Variants in LOC112694756 observed in about 807,000 individuals in gnomAD.
the LOC112694756 span, chr16:30,067,509 T>C: frequency 6.2e-7 from 1 of 1,613,004 alleles, no homozygotes; most frequent in Non-Finnish European, 8.5e-7. Flanking sequence ...GAACCGGCGC[T>C]TCTACCGCCA....
chr16:30,068,561 C>A, the LOC112694756 span: 1 of 1,471,188 alleles, frequency 6.8e-7, no homozygotes, highest in Non-Finnish European at 9.5e-7. Flanking sequence ...TGAGATTCCA[C>A]CACTGTACTC....
At chr16:30,067,913 C>A in the LOC112694756 span, 1 of 556,244 alleles carries the variant, frequency 1.8e-6, no homozygotes, top group Non-Finnish European at 3.2e-6. Flanking sequence ...TGGCAGAGCC[C>A]CAGTCTGACA....
At chr16:30,059,546 T>C in the LOC112694756 span, among the ~76,000 whole-genome samples, 3 of 151,224 alleles carry the variant, frequency 2.0e-5, no homozygotes, top group African/African-American at 7.3e-5. Context: ...TTTTTTTTTT[T>C]TTCCCAGGCA....
At chr16:30,068,411 C>A in the LOC112694756 span, 1 of 587,656 alleles carries the variant, frequency 1.7e-6, no homozygotes, top group Non-Finnish European at 3.1e-6. Flanking sequence ...TATTTGCCAG[C>A]CCTGAGATGC....
the LOC112694756 span, among the ~76,000 whole-genome samples, chr16:30,060,748 C>G: frequency 6.6e-6 from 1 of 152,068 alleles, no homozygotes; most frequent in Non-Finnish European, 1.5e-5. Flanking sequence ...CTGAGACTCC[C>G]TAGAGACACC....
At chr16:30,060,293 C>T in the LOC112694756 span, among the ~76,000 whole-genome samples, 1 of 152,064 alleles carries the variant, frequency 6.6e-6, no homozygotes, top group Non-Finnish European at 1.5e-5. Flanking sequence ...GTGTTATATT[C>T]CTATAAATGA....
the LOC112694756 span, chr16:30,069,155 C>G: frequency 2.3e-6 from 3 of 1,320,248 alleles, no homozygotes; most frequent in Admixed American, 1.9e-5. Flanking sequence ...GTGGGTGGAT[C>G]TGAGGCGGCT....
the LOC112694756 span, chr16:30,059,155 T>C: frequency 3.3e-5 from 13 of 394,244 alleles, no homozygotes; most frequent in East Asian, 1.8e-4. Context: ...ATGATTCTGA[T>C]GCACACAGGT....
chr16:30,066,643 T>G, the LOC112694756 span, among the ~76,000 whole-genome samples: 1 of 152,272 alleles, frequency 6.6e-6, no homozygotes, highest in East Asian at 1.9e-4. Context: ...AAGCCTGACC[T>G]TGGGATGTCC....
chr16:30,067,126 G>C, the LOC112694756 span: 176 of 1,578,146 alleles, frequency 1.1e-4, no homozygotes, highest in African/African-American at 2.2e-3. Context: ...GTGTGGGGCA[G>C]GGGAGGTAGG....
chr16:30,062,001 G>A, the LOC112694756 span, among the ~76,000 whole-genome samples: 15 of 150,566 alleles, frequency 1.0e-4, no homozygotes, highest in Admixed American at 9.2e-4. Context: ...TCAGGAGTTC[G>A]AGACCAGCCT....
At chr16:30,069,879 C>G in the LOC112694756 span, 6 of 1,614,056 alleles carry the variant, frequency 3.7e-6, no homozygotes, top group Admixed American at 1.7e-5. Flanking sequence ...CGTCCATCAA[C>G]CTCAATGCCA....
the LOC112694756 span, chr16:30,064,708 G>C: frequency 2.7e-6 from 1 of 374,296 alleles, no homozygotes. Context: ...GGCAGGAGCT[G>C]CCTTATAACC....
chr16:30,055,716 CCTGAGAA>C, the LOC112694756 span, among the ~76,000 whole-genome samples: 2 of 152,126 alleles, frequency 1.3e-5, no homozygotes, highest in Admixed American at 6.5e-5. Context: ...TCCCAACAAC[CCTGAGAA>C]CTGAGAACTA....
chr16:30,068,062 A>AT, the LOC112694756 span: 11,089 of 176,248 alleles, frequency 0.063, 605 homozygotes, highest in African/African-American at 0.17. Context: ...TTTTAAGTAA[A>AT]TTTTTTTTTT....
chr16:30,067,224 C>G, the LOC112694756 span: 11 of 1,612,218 alleles, frequency 6.8e-6, no homozygotes, highest in South Asian at 1.1e-5. Flanking sequence ...CCTCTGTTTC[C>G]TGTATCCAGG....
the LOC112694756 span, chr16:30,055,189 G>T: frequency 5.0e-6 from 2 of 399,238 alleles, no homozygotes; most frequent in Non-Finnish European, 8.8e-6. Context: ...GCTGCTGCGC[G>T]GACGGTAGCT....
the LOC112694756 span, chr16:30,067,549 AC>A: frequency 6.2e-7 from 1 of 1,613,600 alleles, no homozygotes; most frequent in South Asian, 1.1e-5. Flanking sequence ...GACCGCGTGA[AC>A]CCCTGCATTG....
chr16:30,065,327 G>C, the LOC112694756 span, among the ~76,000 whole-genome samples: 2 of 152,220 alleles, frequency 1.3e-5, no homozygotes, highest in African/African-American at 4.8e-5. Flanking sequence ...ATGGTGACAC[G>C]CGCTGCAGCC....
Sources: allele counts gnomAD v4.1 joint callset (sites outside exome capture counted in the v4.1 genomes callset), GRCh38; gene constraint gnomAD v4.1.1; transcripts MANE v1.5.